C1orf141: variants seen among roughly 807,000 people sequenced by gnomAD.
The protein encoded by C1orf141 is uncharacterized protein C1orf141.
Under a neutral mutation model 23.2 loss-of-function variants are expected in C1orf141, and 19 were observed. The observed-to-expected ratio is 0.82, with a 90% CI of 0.57 to 1.20. The LOEUF (loss-of-function observed/expected upper bound fraction) is 1.20. Among genes scored for constraint, C1orf141 ranks in the 50% most tolerant of loss-of-function variants. The pLI is 0.00. For synonymous variants in C1orf141, 153 were observed against 154.6 expected (o/e 0.99, Z 0.08); for missense variants, 469 against 455.1 (o/e 1.03, Z -0.28).
rs1646112758 is a variant in C1orf141, at chr1:67,113,114, G to A, written c.346+2238C>T. ...CATGCCTCAGCCTCCCAAGTAGCTG[G>A]GATTACAAGTGTGCACCACCACACC... On this transcript the variant is annotated intron_variant, in intron 5 of 7. Coordinates refer to ENST00000684719, the MANE Select transcript of C1orf141 (RefSeq NM_001276351.2). Among the ~76,000 whole-genome samples, 7 of 151,990 alleles carry A rather than the reference G, an allele frequency of 4.6e-5. No homozygotes were observed. In the South Asian group the frequency reaches 1.5e-3, roughly 32 times the overall value.
chr1:67,134,265 A>G (rs1248901841), intron 1 of C1orf141, among the ~76,000 whole-genome samples: 1 of 152,212 alleles, frequency 6.6e-6, no homozygotes, highest in Non-Finnish European at 1.5e-5. Flanking sequence ...TGGCCTCCCA[A>G]AGTGCTGGGA....
At chr1:67,117,071 C>T (rs2102470825) in intron 4 of C1orf141, among the ~76,000 whole-genome samples, 1 of 152,234 alleles carries the variant, frequency 6.6e-6, no homozygotes, top group Middle Eastern at 3.4e-3. Flanking sequence ...GTTTTATTCA[C>T]TGTGGTATTT....
upstream of C1orf141, among the ~76,000 whole-genome samples, chr1:67,136,721 G>GTATT (rs1401717997): frequency 2.6e-5 from 4 of 152,090 alleles, no homozygotes; most frequent in African/African-American, 9.7e-5. Context: ...TATGGAAAGG[G>GTATT]TATTATCTTT....
rs1645583675 is a variant in C1orf141 at position 67,092,953 on chromosome 1, G to A, written c.*52C>T. 2.1e-6 allele frequency: 3 copies of A among 1,407,450 alleles called. No homozygotes were observed. Among genetic ancestry groups the A allele is most frequent in the African/African-American group, 2.9e-5 (2 of 69,054 alleles). 87.2% of individuals were successfully genotyped at this position (1,407,450 alleles called of 1,614,324 possible). A position where few individuals can be genotyped will look rare whatever the true frequency, so the allele number is the denominator to read the frequency against. ...GATAAGAATTTCTTTTATAATTTTG[G>A]AACTTGGATATTTGCTTCTTGTTAC... is the stretch of plus-strand genomic sequence containing the variant. On this transcript the variant is annotated 3_prime_UTR_variant, in exon 8 of 8. Coordinates refer to ENST00000684719, the MANE Select transcript of C1orf141 (RefSeq NM_001276351.2).
intron 4 of C1orf141, among the ~76,000 whole-genome samples, chr1:67,120,538 T>G (rs974051419): frequency 1.9e-4 from 29 of 152,150 alleles, no homozygotes; most frequent in Non-Finnish European, 3.8e-4. Context: ...GTTATGGTTT[T>G]GGGAGGTGCA....
upstream of C1orf141, chr1:67,134,991 TC>T: frequency 6.9e-6 from 1 of 145,582 alleles, no homozygotes; most frequent in Non-Finnish European, 1.5e-5. Flanking sequence ...CACCCTTCAG[TC>T]CCTTAGCAAC....
chr1:67,130,953 T>C (rs954395512), intron 2 of C1orf141, among the ~76,000 whole-genome samples, 189 bp downstream of exon 2: 1 of 152,228 alleles, frequency 6.6e-6, no homozygotes, highest in Non-Finnish European at 1.5e-5. Context: ...ACTTGCTTGC[T>C]TTCATCATTA....
upstream of C1orf141, among the ~76,000 whole-genome samples, chr1:67,135,573 A>G (rs1204445836): frequency 6.6e-6 from 1 of 152,180 alleles, no homozygotes; most frequent in Non-Finnish European, 1.5e-5. Context: ...TGCTGTATTT[A>G]CTGTATCCTA....
upstream of C1orf141, among the ~76,000 whole-genome samples, chr1:67,137,920 T>C (rs1646600115): frequency 6.6e-6 from 1 of 152,144 alleles, no homozygotes; most frequent in South Asian, 2.1e-4. Flanking sequence ...AAAAGAGCAT[T>C]TTTTTTCCCT....
upstream of C1orf141, among the ~76,000 whole-genome samples, chr1:67,139,519 A>T (rs971555307): frequency 6.6e-6 from 1 of 152,202 alleles, no homozygotes; most frequent in Non-Finnish European, 1.5e-5. Context: ...CTTCAGTCCT[A>T]GGCTTTTTCC....
intron 5 of C1orf141, among the ~76,000 whole-genome samples, chr1:67,106,699 T>C (rs1010067755): frequency 6.6e-6 from 1 of 151,802 alleles, no homozygotes; most frequent in Admixed American, 6.6e-5. Flanking sequence ...AAACAAAAAC[T>C]ATGCTTCATG....
At chr1:67,141,564 C>T (rs1259297918) in intron 1 of C1orf141, among the ~76,000 whole-genome samples, 3 of 152,034 alleles carry the variant, frequency 2.0e-5, no homozygotes, top group Non-Finnish European at 2.9e-5. Context: ...TCAAGACCAG[C>T]GTAGGCAACA....
At chr1:67,095,458 G>T (rs748727528) in intron 6 of C1orf141, 37 bp from the exon 7 acceptor site, 7 of 1,171,124 alleles carry the variant, frequency 6.0e-6, no homozygotes, top group Non-Finnish European at 8.2e-6. Context: ...TGTTCATGGG[G>T]CTGATTACAG....
At chr1:67,095,139 A>T in intron 7 of C1orf141, 96 bp downstream of exon 7, 1 of 696,946 alleles carries the variant, frequency 1.4e-6, no homozygotes, top group South Asian at 2.4e-5. Context: ...GGTAAAAAGG[A>T]TTTATCAAAG....
At chr1:67,119,987 A>G (rs1646267690) in intron 4 of C1orf141, among the ~76,000 whole-genome samples, 1 of 152,148 alleles carries the variant, frequency 6.6e-6, no homozygotes, top group South Asian at 2.1e-4. Context: ...ATGGGTGTGC[A>G]ACTCCCGCTA....
intron 1 of C1orf141, among the ~76,000 whole-genome samples, chr1:67,132,161 A>G (rs187466085): frequency 3.1e-4 from 46 of 149,160 alleles, no homozygotes; most frequent in Middle Eastern, 7.4e-3. Flanking sequence ...GCCTCAAGCA[A>G]TCCTCCAGCC....
At chr1:67,124,903 G>A (rs1042758310) in intron 4 of C1orf141, among the ~76,000 whole-genome samples, 1 of 152,078 alleles carries the variant, frequency 6.6e-6, no homozygotes, top group African/African-American at 2.4e-5. Context: ...AATGAGATAA[G>A]GACAGTATCC....
chr1:67,107,920 T>G (rs1183629000), intron 5 of C1orf141, among the ~76,000 whole-genome samples: 1 of 152,154 alleles, frequency 6.6e-6, no homozygotes. Context: ...CAAAATTCTC[T>G]TTATGGTAGC....
chr1:67,116,563 A>T (rs539938015), intron 4 of C1orf141, among the ~76,000 whole-genome samples: 3 of 152,160 alleles, frequency 2.0e-5, no homozygotes, highest in African/African-American at 7.2e-5. Context: ...ACTGTTTCCT[A>T]TCAGACTTGA....
Sources: gnomAD v4.1 joint callset for allele counts (sites outside exome capture counted in the v4.1 genomes callset) on GRCh38, gnomAD v4.1.1 for gene constraint, MANE v1.5 for transcripts, NCBI Gene and HGNC (gene_info 2026-07-23, HGNC 2026-07-21) for gene names.